Variants in CIMAP1D observed in about 807,000 individuals in gnomAD.
CIMAP1D encodes CIMAP1 family member D.
At chr19:466,091 TGC>T in the CIMAP1D span, among the ~76,000 whole-genome samples, 2 of 129,178 alleles carry the variant, frequency 1.5e-5, no homozygotes, top group Middle Eastern at 4.3e-3. Context: ...GATGGTTGGG[TGC>T]AGGGTGGATG....
At chr19:489,014 G>A in the CIMAP1D span, among the ~76,000 whole-genome samples, 2,162 of 152,164 alleles carry the variant, frequency 0.014, 51 homozygotes, top group African/African-American at 0.05. Context: ...CCGCGGGCTA[G>A]AGCGGCCCCG....
chr19:474,756 G>T, the CIMAP1D span: 1 of 1,509,084 alleles, frequency 6.6e-7, no homozygotes, highest in African/African-American at 1.4e-5. Flanking sequence ...ATGGTGGGCA[G>T]GCGATGGCCC....
the CIMAP1D span, chr19:472,389 CT>C: frequency 6.6e-7 from 1 of 1,525,406 alleles, no homozygotes. Flanking sequence ...ACTCGCCCGC[CT>C]TACCCTCACT....
chr19:488,398 T>C, the CIMAP1D span, among the ~76,000 whole-genome samples: 1 of 152,120 alleles, frequency 6.6e-6, no homozygotes, highest in Non-Finnish European at 1.5e-5. Flanking sequence ...GGCAGGCGCC[T>C]GTAGTCCCAG....
chr19:481,951 T>G, the CIMAP1D span, among the ~76,000 whole-genome samples: 12 of 151,952 alleles, frequency 7.9e-5, no homozygotes, highest in African/African-American at 2.9e-4. Flanking sequence ...AATTTCTTTT[T>G]TGTGTGTGGA....
At chr19:468,458 G>A in the CIMAP1D span, among the ~76,000 whole-genome samples, 4 of 152,266 alleles carry the variant, frequency 2.6e-5, no homozygotes, top group East Asian at 7.7e-4. Flanking sequence ...TGCTTAAGAG[G>A]GGGGCTCGGC....
At chr19:483,539 C>A in the CIMAP1D span, among the ~76,000 whole-genome samples, 1 of 152,196 alleles carries the variant, frequency 6.6e-6, no homozygotes, top group Admixed American at 6.5e-5. Flanking sequence ...GGGTTCCCAA[C>A]CCAGGTGATT....
the CIMAP1D span, among the ~76,000 whole-genome samples, chr19:482,347 A>G: frequency 7.7e-3 from 1,178 of 152,274 alleles, 13 homozygotes; most frequent in African/African-American, 0.027. Context: ...TCTAGAGAGT[A>G]GAGCCTAGGA....
At chr19:487,625 G>A in the CIMAP1D span, among the ~76,000 whole-genome samples, 1 of 152,058 alleles carries the variant, frequency 6.6e-6, no homozygotes, top group African/African-American at 2.4e-5. Context: ...AGTGGAGATC[G>A]CACCACTGCG....
the CIMAP1D span, among the ~76,000 whole-genome samples, chr19:479,904 A>C: frequency 1.3e-5 from 2 of 152,210 alleles, no homozygotes; most frequent in South Asian, 4.1e-4. Context: ...GTTACTTTTA[A>C]GTTTTTATTT....
chr19:480,906 GTGGGAAGGATGATGGGGAAGGATGA>G, the CIMAP1D span, among the ~76,000 whole-genome samples: 58 of 132,560 alleles, frequency 4.4e-4, no homozygotes, highest in Non-Finnish European at 7.6e-4. Context: ...GAGAAGGAAT[GTGGGAAGGATGATGGGGAAGGATGA>G]TGGGAAGGAT....
chr19:463,817 G>A, the CIMAP1D span: 27 of 1,582,380 alleles, frequency 1.7e-5, no homozygotes, highest in East Asian at 1.8e-4. Flanking sequence ...CCAGCCCCCC[G>A]TTCACTGTGT....
chr19:486,857 T>C, the CIMAP1D span, among the ~76,000 whole-genome samples: 2 of 151,914 alleles, frequency 1.3e-5, no homozygotes, highest in Non-Finnish European at 2.9e-5. Context: ...GAGCTTGTAG[T>C]GAGCCGAGAT....
chr19:476,035 C>G, the CIMAP1D span, among the ~76,000 whole-genome samples: 2 of 130,520 alleles, frequency 1.5e-5, no homozygotes, highest in African/African-American at 2.8e-5. Flanking sequence ...GTCTTGCTCC[C>G]CCGCCCAGGC....
the CIMAP1D span, among the ~76,000 whole-genome samples, chr19:472,944 T>C: frequency 0.13 from 12,285 of 93,710 alleles, 1,398 homozygotes; most frequent in African/African-American, 0.27. Context: ...AGATACATGG[T>C]CACAGATGGG....
At chr19:467,673 T>C in the CIMAP1D span, 1 of 1,612,088 alleles carries the variant, frequency 6.2e-7, no homozygotes, top group Non-Finnish European at 8.5e-7. Context: ...CGGCCCTGCA[T>C]GGAGTAGGCA....
the CIMAP1D span, among the ~76,000 whole-genome samples, chr19:469,487 C>G: frequency 6.6e-6 from 1 of 152,034 alleles, no homozygotes; most frequent in Non-Finnish European, 1.5e-5. Flanking sequence ...GTCACGAGTT[C>G]GAGACCAGCC....
chr19:465,169 G>T, the CIMAP1D span, among the ~76,000 whole-genome samples: 3 of 149,908 alleles, frequency 2.0e-5, no homozygotes, highest in Non-Finnish European at 4.4e-5. Context: ...ATGGCTGGGT[G>T]GGTAGATGCT....
the CIMAP1D span, among the ~76,000 whole-genome samples, chr19:472,194 T>C: frequency 6.6e-6 from 1 of 152,062 alleles, no homozygotes; most frequent in Non-Finnish European, 1.5e-5. Context: ...TCATTATCAA[T>C]GAAAAAACAG....
Sources: gnomAD v4.1 joint callset for allele counts (sites outside exome capture counted in the v4.1 genomes callset) on GRCh38, gnomAD v4.1.1 for gene constraint, MANE v1.5 for transcripts, NCBI Gene and HGNC (gene_info 2026-07-23, HGNC 2026-07-21) for gene names.